GABRB2: variants seen among roughly 807,000 people sequenced by gnomAD.
The protein encoded by GABRB2 is gamma-aminobutyric acid type A receptor subunit beta2.
Under a neutral mutation model 54.7 loss-of-function variants are expected in GABRB2, and 16 were observed. The observed-to-expected ratio is 0.29, with a 90% CI of 0.20 to 0.44. The LOEUF is 0.44. GABRB2 is among the 20% of genes least tolerant of loss of function. The pLI, the probability that GABRB2 is intolerant of heterozygous loss-of-function variation, is 1.00. For missense variants in GABRB2, 355 were observed against 644.0 expected, an observed-to-expected ratio of 0.55 and a Z score of 4.86; for synonymous variants, 244 against 233.8, an observed-to-expected ratio of 1.04 and a Z score of -0.40.
chr5:161,408,516 T>C (rs573857965), intron 5 of GABRB2, among the ~76,000 whole-genome samples: 4 of 152,204 alleles, frequency 2.6e-5, no homozygotes, highest in South Asian at 4.1e-4. Flanking sequence ...AATGAATGAA[T>C]GAACAATTAG....
chr5:161,382,677 T>C (rs1310161486), intron 5 of GABRB2, among the ~76,000 whole-genome samples: 2 of 152,146 alleles, frequency 1.3e-5, no homozygotes, highest in Non-Finnish European at 2.9e-5. Flanking sequence ...TAAAATCTAG[T>C]CACTGGTTTA....
chr5:161,309,635 T>A (rs1268452793), intron 9 of GABRB2, among the ~76,000 whole-genome samples: 1 of 111,250 alleles, frequency 9.0e-6, no homozygotes, highest in Non-Finnish European at 2.2e-5. Context: ...AGACTAAATT[T>A]TTTTTTTTTT....
intron 9 of GABRB2, among the ~76,000 whole-genome samples, chr5:161,315,862 A>G (rs1758013335): frequency 6.6e-6 from 1 of 152,182 alleles, no homozygotes; most frequent in African/African-American, 2.4e-5. Context: ...TAGGACAGAA[A>G]TCACATCCGA....
chr5:161,473,974 A>G (rs1758519263), intron 3 of GABRB2, among the ~76,000 whole-genome samples: 1 of 151,974 alleles, frequency 6.6e-6, no homozygotes, highest in African/African-American at 2.4e-5. Context: ...GAAAACAGAA[A>G]GGGTAGATGA....
intron 4 of GABRB2, among the ~76,000 whole-genome samples, chr5:161,445,152 G>C (rs1484779088): frequency 2.6e-5 from 4 of 152,074 alleles, no homozygotes; most frequent in Non-Finnish European, 4.4e-5. Context: ...AAAAGCAGAG[G>C]TTTCTACTCT....
intron 3 of GABRB2, among the ~76,000 whole-genome samples, chr5:161,536,521 T>C (rs1760640332): frequency 6.6e-6 from 1 of 152,222 alleles, no homozygotes; most frequent in South Asian, 2.1e-4. Context: ...ACAGAGAATA[T>C]GTAAGTCTTC....
At chr5:161,372,603 C>A (rs1023232397) in intron 5 of GABRB2, among the ~76,000 whole-genome samples, 1 of 152,096 alleles carries the variant, frequency 6.6e-6, no homozygotes, top group Admixed American at 6.6e-5. Context: ...GGGAAGCATT[C>A]ATGTCCCTGT....
At chr5:161,384,407 T>G (rs953476052) in intron 5 of GABRB2, among the ~76,000 whole-genome samples, 1 of 152,184 alleles carries the variant, frequency 6.6e-6, no homozygotes, top group Non-Finnish European at 1.5e-5. Context: ...AGGTGAGACA[T>G]GCTTATCAGT....
chr5:161,402,989 C>A (rs961381511), intron 5 of GABRB2, among the ~76,000 whole-genome samples: 18 of 152,122 alleles, frequency 1.2e-4, no homozygotes, highest in Non-Finnish European at 2.6e-4. Context: ...TAATATGCAG[C>A]AAGGTTGAGA....
In GABRB2 at chr5:161,288,569, C is replaced by T. The variant is rs1220119765; in HGVS notation, c.*5512G>A. 6.6e-6 allele frequency: 1 copy of T among 152,484 alleles called. No individual in the cohort carries two copies. Among genetic ancestry groups the T allele is most frequent in the Non-Finnish European group, 1.5e-5 (1 of 68,006 alleles). The allele number at this position is 152,484 out of a possible 1,614,324, so 9.4% of individuals were successfully genotyped here. ...TTCTTATGTGCTATTCATTTATAATCCTCATTTTTTACTATCTCATGTATC... is the reference window on the plus strand; with the variant it reads ...TTCTTATGTGCTATTCATTTATAATTCTCATTTTTTACTATCTCATGTATC... On this transcript the variant is annotated 3_prime_UTR_variant, in exon 10 of 10. Transcript: ENST00000393959.
At position 161,385,791 on chromosome 5, in the gene GABRB2, C is replaced by T. The variant is rs55801613; in HGVS notation, c.541+25184G>A. Reference sequence around the variant, plus strand: ...TTTCAATGATGTATTCCAGTAAAACCGCAGGAGAATTAGTAAGAAAGCAGG... The same window carrying T: ...TTTCAATGATGTATTCCAGTAAAACTGCAGGAGAATTAGTAAGAAAGCAGG... On this transcript the variant is annotated intron_variant, in intron 5 of 9. Coordinates refer to ENST00000393959, the MANE Select transcript of GABRB2 (RefSeq NM_001371727.1). 6.0e-3 allele frequency among the ~76,000 whole-genome samples: 916 copies of T among 151,902 alleles called. 7 individuals are homozygous for T. Among genetic ancestry groups the T allele is most frequent in the African/African-American group, 0.02 (844 of 41,414 alleles).
intron 4 of GABRB2, among the ~76,000 whole-genome samples, chr5:161,427,378 C>T (rs1239693474): frequency 6.6e-6 from 1 of 152,082 alleles, no homozygotes; most frequent in Non-Finnish European, 1.5e-5. Context: ...ATAGTGAGGG[C>T]TGTAAAATAA....
At chr5:161,392,819 A>G (rs1454636208) in intron 5 of GABRB2, among the ~76,000 whole-genome samples, 2 of 152,196 alleles carry the variant, frequency 1.3e-5, no homozygotes, top group Admixed American at 1.3e-4. Context: ...AATGAAAGCT[A>G]AATTAGAGGG....
chr5:161,390,968 G>A (rs575848182), intron 5 of GABRB2, among the ~76,000 whole-genome samples: 150 of 152,174 alleles, frequency 9.9e-4, no homozygotes, highest in African/African-American at 3.5e-3. Context: ...TACGGTTCAG[G>A]GACTGTCAGT....
intron 9 of GABRB2, among the ~76,000 whole-genome samples, chr5:161,302,584 G>C (rs1432231351): frequency 6.6e-6 from 1 of 152,194 alleles, no homozygotes; most frequent in East Asian, 1.9e-4. Context: ...CAAGAGAAGA[G>C]TGAGAAATTG....
intron 3 of GABRB2, among the ~76,000 whole-genome samples, chr5:161,507,454 T>C (rs1034064785): frequency 6.6e-6 from 1 of 152,080 alleles, no homozygotes; most frequent in African/African-American, 2.4e-5. Context: ...GCAACTCTTC[T>C]GTAAGTCTAA....
intron 5 of GABRB2, among the ~76,000 whole-genome samples, chr5:161,400,265 C>G (rs1278883183): frequency 6.6e-6 from 1 of 152,110 alleles, no homozygotes; most frequent in African/African-American, 2.4e-5. Context: ...AAAGTGCTCT[C>G]CAGCATTCAC....
rs184099240 is a variant in GABRB2, at chr5:161,315,435, C to T, written c.1191+10933G>A. On this transcript the variant is annotated intron_variant, in intron 9 of 9. Coordinates refer to ENST00000393959, the MANE Select transcript of GABRB2 (RefSeq NM_001371727.1). ...GGGAGCATGTTTCATCAATGACTTC[C>T]TAGGTGTCTTTTTTCATTTTCTCAT... Among the ~76,000 whole-genome samples, 15 of 152,050 alleles carry T rather than the reference C, an allele frequency of 9.9e-5. 1 individual carries two copies. Among genetic ancestry groups the T allele is most frequent in the Non-Finnish European group, 1.9e-4 (13 of 67,946 alleles).
chr5:161,533,952 C>A (rs1272485131), intron 3 of GABRB2, among the ~76,000 whole-genome samples: 1 of 152,054 alleles, frequency 6.6e-6, no homozygotes, highest in South Asian at 2.1e-4. Context: ...AGTGAAAACA[C>A]AATGTTAATG....
Sources: allele counts gnomAD v4.1 joint callset (sites outside exome capture counted in the v4.1 genomes callset), GRCh38; gene constraint gnomAD v4.1.1; transcripts MANE v1.5; gene names NCBI Gene and HGNC (gene_info 2026-07-23, HGNC 2026-07-21).